The following MXRA5 variants were observed in gnomAD, a reference collection of about 807,000 sequenced individuals.
MXRA5 encodes matrix remodeling associated 5, also known as matrix-remodeling-associated protein 5.
A neutral mutation model predicts 112.5 loss-of-function variants in MXRA5; 41 were observed. The observed-to-expected ratio is 0.36, with a 90% CI of 0.28 to 0.47. The LOEUF (loss-of-function observed/expected upper bound fraction) is 0.47. MXRA5 is among the 20% of genes least tolerant of loss of function. The pLI, the probability that MXRA5 is intolerant of heterozygous loss-of-function variation, is 0.99. For synonymous variants in MXRA5, 862 were observed against 900.8 expected, an observed-to-expected ratio of 0.96 and a Z score of 0.77; for missense variants, 2,150 against 2,251.0, an observed-to-expected ratio of 0.96 and a Z score of 0.91.
chrX:3,320,284 T>C lies in MXRA5; in HGVS notation c.5401A>G (p.Thr1801Ala). The C allele has an allele frequency of 1.7e-6, 2 of 1,211,148 alleles. No homozygotes were observed. Among genetic ancestry groups the C allele is most frequent in the South Asian group, 1.8e-5 (1 of 56,865 alleles). ...HTPQTTGSPS[T>A]NLQNIPMVSS... ...ACCATAGGGATATTCTGTAAGTTAG[T>C]TGAGGGTGATCCCGTGGTCTGCGGA... The change falls in exon 5 of 7, where the codon ACT becomes GCT. Residue 1801 changes from threonine to alanine, a missense_variant. By Grantham distance (58) the Thr-to-Ala change is moderately conservative. Transcript: ENST00000217939.
At chrX:3,333,503 A>G (rs994495478) in intron 2 of MXRA5, among the ~76,000 whole-genome samples, 7 of 110,279 alleles carry the variant, frequency 6.3e-5, no homozygotes, top group African/African-American at 2.3e-4. Flanking sequence ...CACAGTGACA[A>G]CAACAATAAT....
At position 3,321,047 on chromosome X, in the gene MXRA5, A is replaced by G. The variant is rs1921287862; in HGVS notation, c.4638T>C (p.Asn1546=). The change falls in exon 5 of 7, where the codon AAT becomes AAC. Residue 1546 remains asparagine, a synonymous_variant. Transcript: ENST00000217939. ...GCCCTGACATATGCTGTGTTCCTTC[A>G]TTGTTCACTGGGGTTGCTTCTGTTT... ...NPETEATPVN[N]EGTQHMSGPN... 3 of 1,211,718 alleles carry G rather than the reference A, an allele frequency of 2.5e-6. No individual in the cohort carries two copies. The highest frequency in any genetic ancestry group is 3.4e-6 in the Non-Finnish European group (3 of 895,509).
At chrX:3,343,899 G>A in intron 1 of MXRA5, 38 bp from the exon 2 acceptor site, 2 of 1,096,335 alleles carry the variant, frequency 1.8e-6, no homozygotes, top group Non-Finnish European at 2.4e-6. Context: ...TTATTCACAG[G>A]TAGCACCGAC....
At chrX:3,329,604 G>C (rs1201731927) in intron 4 of MXRA5, among the ~76,000 whole-genome samples, 1 of 111,397 alleles carries the variant, frequency 9.0e-6, no homozygotes, top group Non-Finnish European at 1.9e-5. Context: ...TGACCTTGTA[G>C]CCACTCCTCT....
chrX:3,344,491 C>T (rs1430985821), intron 1 of MXRA5, among the ~76,000 whole-genome samples: 2 of 110,882 alleles, frequency 1.8e-5, no homozygotes, highest in Admixed American at 9.7e-5. Context: ...TGCTGTTAAT[C>T]GGGGAGGAAG....
Position 3,309,510 on chromosome X carries a change from C to G in MXRA5, c.*206G>C. On this transcript the variant is annotated 3_prime_UTR_variant, in exon 7 of 7. Coordinates refer to ENST00000217939, the MANE Select transcript of MXRA5 (RefSeq NM_015419.4). Reference sequence around the variant, plus strand: ...ATGATGTAAACACAAAAGAAAGTGTCTCAGCAAGGCTGAGCCCTCCTTCTC... The same window carrying G: ...ATGATGTAAACACAAAAGAAAGTGTGTCAGCAAGGCTGAGCCCTCCTTCTC... 2.4e-6 allele frequency: 1 copy of G among 421,056 alleles called. No homozygotes were observed. Among genetic ancestry groups the G allele is most frequent in the Admixed American group, 4.4e-5 (1 of 22,948 alleles). The allele number at this position is 421,056 out of a possible 1,213,427, so 34.7% of individuals were successfully genotyped here. A position where few individuals can be genotyped will look rare whatever the true frequency, so the allele number is the denominator to read the frequency against.
At chrX:3,333,302 CAAAAAAAAAA>C (rs386416494) in intron 2 of MXRA5, among the ~76,000 whole-genome samples, 63 of 14,804 alleles carry the variant, frequency 4.3e-3, no homozygotes, top group African/African-American at 7.1e-3. Context: ...TACCCCATAT[CAAAAAAAAAA>C]AAAAAAAAAA....
At position 3,322,696 on chromosome X, in the gene MXRA5, T is replaced by C. The variant is rs772413175; in HGVS notation, c.2989A>G (p.Thr997Ala). Residue 997 changes from threonine (T) to alanine (A), a missense_variant, in exon 5 of 7, where the codon ACC becomes GCC. Around this residue, in one of 6 missense-constraint regions of MXRA5, gnomAD observed 1,485 missense variants for 1,471.6 expected, o/e 1.01. Coordinates refer to ENST00000217939, the MANE Select transcript of MXRA5 (RefSeq NM_015419.4). ...QPDEDKMKED[T>A]FAHLTPTPTI... ...GGGGTTGGAGTAAGGTGTGCAAAGG[T>C]GTCTTCTTTCATCTTATCCTCATCT... 8 of 1,211,242 alleles carry C rather than the reference T, an allele frequency of 6.6e-6. No homozygotes were observed. Among genetic ancestry groups the C allele is most frequent in the Middle Eastern group, 2.3e-4 (1 of 4,356 alleles).
intron 5 of MXRA5, 48 bp from the exon 6 acceptor site, chrX:3,318,051 G>C: frequency 1.9e-6 from 2 of 1,048,884 alleles, no homozygotes; most frequent in Non-Finnish European, 2.6e-6. Context: ...GTGCCCTTTT[G>C]ATAATGCTCA....
intron 1 of MXRA5, among the ~76,000 whole-genome samples, chrX:3,344,183 A>G (rs1228754527): frequency 9.1e-6 from 1 of 110,140 alleles, no homozygotes; most frequent in African/African-American, 3.4e-5. Context: ...AGAGAGAGAG[A>G]GAAGAAAGAG....
chrX:3,328,929 C>A (rs749823698), intron 4 of MXRA5, among the ~76,000 whole-genome samples: 2 of 72,064 alleles, frequency 2.8e-5, no homozygotes, highest in Non-Finnish European at 5.1e-5. Flanking sequence ...AGGAAGGAAA[C>A]GAAGGAAGGA....
In MXRA5 at chrX:3,310,055, C is replaced by A. The variant is rs5983115; in HGVS notation, c.8148G>T (p.Glu2716Asp). 2.7e-5 allele frequency: 33 copies of A among 1,211,105 alleles called. No homozygotes were observed. The highest frequency in any genetic ancestry group is 6.5e-5 in the Admixed American group (3 of 46,039). The change falls in exon 7 of 7, where the codon GAG (glutamate) becomes GAT (aspartate). Residue 2716 changes from glutamate (E) to aspartate (D), a missense_variant. By Grantham distance (45) the Glu-to-Asp change is conservative. Transcript: ENST00000217939. ...RGTYVCRMET[E>D]YGPSVTSIPV... Reference sequence around the variant, plus strand: ...GGATGCTGGTGACCGAAGGGCCGTACTCCGTCTCCATCCTGCATACATAGG... The same window carrying A: ...GGATGCTGGTGACCGAAGGGCCGTAATCCGTCTCCATCCTGCATACATAGG...
chrX:3,325,799 G>T (rs374392290), intron 4 of MXRA5, among the ~76,000 whole-genome samples: 1 of 29,165 alleles, frequency 3.4e-5, no homozygotes, highest in African/African-American at 9.7e-5. Flanking sequence ...TAAATTTATA[G>T]ATGTACATAT....
At chrX:3,337,733 T>C (rs1284448706) in intron 2 of MXRA5, among the ~76,000 whole-genome samples, 3 of 111,592 alleles carry the variant, frequency 2.7e-5, no homozygotes, top group Non-Finnish European at 5.6e-5. Flanking sequence ...GCAGAGATAT[T>C]GAGGGATGTT....
chrX:3,313,431 T>G (rs926353891), intron 6 of MXRA5, among the ~76,000 whole-genome samples: 2 of 111,865 alleles, frequency 1.8e-5, no homozygotes, highest in Admixed American at 9.4e-5. Context: ...TGCTAATTTT[T>G]GTATTTTGAG....
rs1322154320 is a variant in MXRA5, at chrX:3,309,436, A to G, written c.*280T>C. ...AGGCAGTCGAGTGGCATTTGCAAAA[A>G]AAGAAAAATTGCAGTCAGAGCACAG... On this transcript the variant is annotated 3_prime_UTR_variant, in exon 7 of 7. Transcript: ENST00000217939. 3.0e-6 allele frequency: 1 copy of G among 337,164 alleles called. No individual in the cohort carries two copies. Among genetic ancestry groups the G allele is most frequent in the Non-Finnish European group, 5.1e-6 (1 of 196,365 alleles). The allele number at this position is 337,164 out of a possible 1,213,427, so 27.8% of individuals were successfully genotyped here. A position where few individuals can be genotyped will look rare whatever the true frequency, so the allele number is the denominator to read the frequency against.
At position 3,322,939 on chromosome X, in the gene MXRA5, C is replaced by G; in HGVS notation, c.2746G>C (p.Glu916Gln). 1 of 1,211,386 alleles carries G rather than the reference C, an allele frequency of 8.3e-7. No homozygotes were observed. Among genetic ancestry groups the G allele is most frequent in the Non-Finnish European group, 1.1e-6 (1 of 895,462 alleles). ...AGAGTAGGAGATGGTTCATAAGGCT[C>G]AGATATAAGTGTAGGGGCTGCTGTC... Reference protein sequence around the residue: ...KGTAAPTLISEPYEPSPTLHT... With the variant: ...KGTAAPTLISQPYEPSPTLHT... The change falls in exon 5 of 7, where the codon GAG becomes CAG. Residue 916 changes from glutamate (E) to glutamine (Q), a missense_variant. By Grantham distance (29) the Glu-to-Gln change is conservative. This residue lies in a region of MXRA5 where 1,485 missense variants were observed against 1,471.6 expected (regional missense o/e 1.01). Transcript: ENST00000217939.
intron 2 of MXRA5, among the ~76,000 whole-genome samples, chrX:3,338,736 G>T (rs762249974): frequency 1.8e-5 from 2 of 110,997 alleles, no homozygotes; most frequent in South Asian, 7.8e-4. Flanking sequence ...TAGATTGATA[G>T]ATAGATGATA....
In MXRA5 at chrX:3,310,141, C is replaced by T. The variant is rs573265184; in HGVS notation, c.8062G>A (p.Val2688Ile). The T allele has an allele frequency of 9.3e-4, 1,121 of 1,209,843 alleles. 9 individuals are homozygous for T. In the South Asian group the frequency reaches 0.018, roughly 20 times the overall value. ...AGGGTGCCATTGTCCAGAAGAGAAA[C>T]GCGTCCCAGGGTTTGGGGGCCCTCC... Reference protein sequence around the residue: ...HLEGPQTLGRVSLLDNGTLTV... With the variant: ...HLEGPQTLGRISLLDNGTLTV... The change falls in exon 7 of 7, where the codon GTT becomes ATT. Residue 2688 changes from valine to isoleucine, a missense_variant. This residue lies in a region of MXRA5 where 178 missense variants were observed against 198.2 expected (regional missense o/e 0.90). Transcript: ENST00000217939.
Sources: gnomAD v4.1 joint callset for allele counts (sites outside exome capture counted in the v4.1 genomes callset) on GRCh38, gnomAD v4.1.1 for gene constraint, gnomAD v4.1.1 regional missense constraint, MANE v1.5 for transcripts, NCBI Gene and HGNC (gene_info 2026-07-23, HGNC 2026-07-21) for gene names.